HIVEP1: variants seen among roughly 807,000 people sequenced by gnomAD.
HIVEP1 encodes zinc finger protein 40.
In HIVEP1, 36 loss-of-function variants were observed where a neutral mutation model predicts 180.0. The observed-to-expected ratio is 0.20, with a 90% confidence interval of 0.15 to 0.26. The LOEUF (loss-of-function observed/expected upper bound fraction) is 0.26. HIVEP1 is among the 10% of genes least tolerant of loss of function. The probability of loss-of-function intolerance (pLI) is 1.00; values close to 1 mark genes in which losing one functional copy is unlikely to be tolerated. For missense variants in HIVEP1, 3,143 were observed against 3,268.7 expected (o/e 0.96, Z 0.94); for synonymous variants, 1,239 against 1,239.0 (o/e 1.00, Z 0.00).
At chr6:12,211,269 A>G in the HIVEP1 span, among the ~76,000 whole-genome samples, 72,301 of 86,128 alleles carry the variant, frequency 0.84, 33,270 homozygotes, top group East Asian at 0.99. Context: ...GCGTGGTGGC[A>G]GGTGCCTGTA....
intron 3 of HIVEP1, among the ~76,000 whole-genome samples, chr6:12,102,507 A>AC (rs11375884): frequency 6.6e-6 from 1 of 152,154 alleles, no homozygotes; most frequent in African/African-American, 2.4e-5. Flanking sequence ...TCAGCAAACC[A>AC]AACTTCTGTT....
chr6:12,090,022 TG>T (rs1388791291), intron 3 of HIVEP1, among the ~76,000 whole-genome samples: 2 of 152,108 alleles, frequency 1.3e-5, no homozygotes, highest in Admixed American at 1.3e-4. Flanking sequence ...GGTGTAATTT[TG>T]TATTAAAATT....
chr6:12,172,545 T>C, the HIVEP1 span, among the ~76,000 whole-genome samples: 1 of 152,184 alleles, frequency 6.6e-6, no homozygotes, highest in Non-Finnish European at 1.5e-5. Flanking sequence ...TTTTCAAAGA[T>C]AGGTAAATTT....
intron 2 of HIVEP1, among the ~76,000 whole-genome samples, chr6:12,040,782 G>A (rs570151084): frequency 6.6e-6 from 1 of 152,160 alleles, no homozygotes; most frequent in South Asian, 2.1e-4. Flanking sequence ...CATAGCACTG[G>A]CATCTGCCTC....
At chr6:12,060,407 A>G (rs1771151345) in intron 2 of HIVEP1, among the ~76,000 whole-genome samples, 1 of 152,250 alleles carries the variant, frequency 6.6e-6, no homozygotes, top group South Asian at 2.1e-4. Flanking sequence ...TAATCTGTTC[A>G]GTTTTTCCCT....
chr6:12,123,323 G>C lies in HIVEP1; in HGVS notation c.3528G>C (p.Val1176=). The change falls in exon 4 of 9, where the codon GTG becomes GTC. Residue 1176 remains valine, a synonymous_variant. Coordinates refer to ENST00000379388, the MANE Select transcript of HIVEP1 (RefSeq NM_002114.4). ...NRTGKSGSLK[V]IGISQEESHP... is the part of the protein sequence containing the mutation. Reference sequence around the variant, plus strand: ...CGGGGAAGTCCGGGTCTCTAAAAGTGATAGGAATCTCCCAAGAGGAAAGTC... The same window carrying C: ...CGGGGAAGTCCGGGTCTCTAAAAGTCATAGGAATCTCCCAAGAGGAAAGTC... 1.2e-6 allele frequency: 2 copies of C among 1,614,142 alleles called. No homozygotes were observed. Among genetic ancestry groups the C allele is most frequent in the Non-Finnish European group, 1.7e-6 (2 of 1,180,028 alleles).
chr6:12,205,017 T>C, the HIVEP1 span, among the ~76,000 whole-genome samples: 2 of 152,094 alleles, frequency 1.3e-5, no homozygotes, highest in Non-Finnish European at 2.9e-5. Flanking sequence ...AGAGAGCGCC[T>C]GTGTGTTCGG....
the HIVEP1 span, among the ~76,000 whole-genome samples, chr6:12,186,829 A>G: frequency 3.9e-5 from 6 of 152,190 alleles, no homozygotes; most frequent in Non-Finnish European, 8.8e-5. Flanking sequence ...ATTATGAAAT[A>G]GAAATTTTCC....
chr6:12,073,449 C>T (rs759571075), intron 2 of HIVEP1, among the ~76,000 whole-genome samples: 4 of 152,166 alleles, frequency 2.6e-5, no homozygotes, highest in Non-Finnish European at 5.9e-5. Flanking sequence ...CTCACTGTAC[C>T]TACCTCCTCC....
rs749890345 is a variant in HIVEP1 at position 12,121,587 on chromosome 6, G to T, written c.1792G>T (p.Val598Leu). 1 of 1,614,156 alleles carries T rather than the reference G, an allele frequency of 6.2e-7. No homozygotes were observed. Among genetic ancestry groups the T allele is most frequent in the Admixed American group, 1.7e-5 (1 of 60,024 alleles). The stretch of plus-strand genomic sequence containing the variant: ...TGCACAAAAGCAGAAGGACCTTCAG[G>T]TGACAAACGTACAGCCACTTTCAGC... ...SSAQKQKDLQVTNVQPLSANM... is the reference protein window; with the variant it reads ...SSAQKQKDLQLTNVQPLSANM... Residue 598 changes from valine to leucine, a missense_variant, in exon 4 of 9, where the codon GTG (valine) becomes TTG (leucine). By Grantham distance (32) the Val-to-Leu change is conservative (BLOSUM62 1). Transcript: ENST00000379388. This position sits in a 1 kb window ranked among gnomAD's most constrained non-coding sequence, Gnocchi z 5.3.
At chr6:12,030,124 C>T (rs760607964) in intron 2 of HIVEP1, among the ~76,000 whole-genome samples, 1 of 152,120 alleles carries the variant, frequency 6.6e-6, no homozygotes, top group Non-Finnish European at 1.5e-5. Flanking sequence ...ATCCACTATT[C>T]TCTGGCCTCT....
At chr6:12,156,139 T>C (rs1224441040) in intron 7 of HIVEP1, among the ~76,000 whole-genome samples, 1 of 152,220 alleles carries the variant, frequency 6.6e-6, no homozygotes, top group Non-Finnish European at 1.5e-5. Flanking sequence ...TTGTAGACTC[T>C]GGACATTAGA....
chr6:12,200,927 G>A, the HIVEP1 span, among the ~76,000 whole-genome samples: 2 of 152,186 alleles, frequency 1.3e-5, no homozygotes, highest in South Asian at 4.1e-4. Context: ...TGTAATCCTT[G>A]GCACACAACT....
At chr6:12,204,906 T>C in the HIVEP1 span, among the ~76,000 whole-genome samples, 26 of 152,142 alleles carry the variant, frequency 1.7e-4, no homozygotes. Flanking sequence ...CATAAAAATG[T>C]AATGACACGG....
chr6:12,133,707 G>A (rs1278473000), intron 6 of HIVEP1, among the ~76,000 whole-genome samples: 1 of 152,146 alleles, frequency 6.6e-6, no homozygotes, highest in African/African-American at 2.4e-5. Context: ...AGAGGGCCAG[G>A]TGCGGTGGCT....
chr6:12,204,009 G>A, the HIVEP1 span, among the ~76,000 whole-genome samples: 890 of 152,160 alleles, frequency 5.8e-3, 4 homozygotes, highest in South Asian at 0.014. Context: ...CCTGGGAGGC[G>A]GAGGTTGCAG....
intron 3 of HIVEP1, among the ~76,000 whole-genome samples, chr6:12,093,499 C>G (rs1773612596): frequency 6.6e-6 from 1 of 151,212 alleles, no homozygotes; most frequent in South Asian, 2.1e-4. Context: ...TTCTAAAAGA[C>G]TTTCACGTTT....
intron 3 of HIVEP1, among the ~76,000 whole-genome samples, chr6:12,109,979 A>G (rs1460203056): frequency 6.6e-6 from 1 of 152,238 alleles, no homozygotes. Context: ...CAGGCATGAA[A>G]ACAACATTCA....
In HIVEP1 at chr6:12,123,346, G is replaced by A; in HGVS notation, c.3551G>A (p.Ser1184Asn). Residue 1184 changes from serine (S) to asparagine (N), a missense_variant, in exon 4 of 9, where the codon AGT becomes AAT. Physicochemically the swap from Ser to Asn is conservative, Grantham distance 46. Around this residue, in one of 12 missense-constraint regions of HIVEP1, gnomAD observed 1,357 missense variants for 1,260.5 expected, o/e 1.08. Transcript: ENST00000379388. ...LKVIGISQEE[S>N]HPSRDGSHPH... ...GTGATAGGAATCTCCCAAGAGGAAA[G>A]TCACCCTTCTCGGGACGGGTCTCAT... The A allele has an allele frequency of 1.2e-6, 2 of 1,614,180 alleles. No homozygotes were observed. Among genetic ancestry groups the A allele is most frequent in the Non-Finnish European group, 1.7e-6 (2 of 1,180,028 alleles).
Sources: allele counts gnomAD v4.1 joint callset (sites outside exome capture counted in the v4.1 genomes callset), GRCh38; gene constraint gnomAD v4.1.1; regional missense constraint gnomAD v4.1.1; non-coding constraint Gnocchi (gnomAD v3.1); transcripts MANE v1.5; gene names NCBI Gene and HGNC (gene_info 2026-07-23, HGNC 2026-07-21).